KIF26B: variants seen among roughly 807,000 people sequenced by gnomAD.
The protein encoded by KIF26B is kinesin family member 26B, also known as kinesin-like protein KIF26B.
In KIF26B, 63 loss-of-function variants were observed where a neutral mutation model predicts 151.2. The ratio of observed to expected loss-of-function variants is 0.42; its 90% CI spans 0.34 to 0.51. KIF26B has a LOEUF of 0.51. Among genes scored for constraint, KIF26B ranks in the 20% least tolerant of loss-of-function variants. KIF26B has a pLI of 0.07. For missense variants in KIF26B, 2,813 were observed against 2,913.6 expected (o/e 0.97, Z 0.79); for synonymous variants, 1,357 against 1,262.1 (o/e 1.08, Z -1.59).
At chr1:245,309,827 A>G (rs1164065204) in intron 2 of KIF26B, among the ~76,000 whole-genome samples, 2 of 146,432 alleles carry the variant, frequency 1.4e-5, no homozygotes, top group African/African-American at 5.0e-5. Flanking sequence ...TAGTTGTAAA[A>G]TTATAATATA....
intron 2 of KIF26B, among the ~76,000 whole-genome samples, chr1:245,303,197 C>CTTTTTT (rs757473264): frequency 6.8e-5 from 7 of 102,608 alleles, no homozygotes; most frequent in African/African-American, 7.7e-5. Context: ...ACTAAATGTT[C>CTTTTTT]TTTTTTTTTT....
intron 2 of KIF26B, among the ~76,000 whole-genome samples, chr1:245,357,896 T>A (rs1672733670): frequency 6.6e-6 from 1 of 152,180 alleles, no homozygotes; most frequent in South Asian, 2.1e-4. Context: ...GGTCAAATGA[T>A]GTATTTGTTA....
At chr1:245,649,160 C>T (rs868135199) in intron 10 of KIF26B, among the ~76,000 whole-genome samples, 16 of 152,308 alleles carry the variant, frequency 1.1e-4, no homozygotes, top group Middle Eastern at 3.4e-3. Flanking sequence ...ATGTTTTCTC[C>T]GAGTCTGGAC....
At chr1:245,628,877 T>C (rs1363440833) in intron 9 of KIF26B, among the ~76,000 whole-genome samples, 1 of 152,188 alleles carries the variant, frequency 6.6e-6, no homozygotes, top group Non-Finnish European at 1.5e-5. Flanking sequence ...AAAAACTTCT[T>C]GAACTGATAA....
chr1:245,399,873 G>C (rs1281410738), intron 3 of KIF26B, among the ~76,000 whole-genome samples: 1 of 152,148 alleles, frequency 6.6e-6, no homozygotes, highest in Non-Finnish European at 1.5e-5. Flanking sequence ...TGATTTTTCA[G>C]ATGGTAACAT....
chr1:245,434,060 A>G (rs544533941), intron 4 of KIF26B, among the ~76,000 whole-genome samples: 2 of 152,336 alleles, frequency 1.3e-5, no homozygotes, highest in Non-Finnish European at 2.9e-5. Flanking sequence ...GCTTCAGAAT[A>G]TAAATGTGGC....
chr1:245,688,281 G>A lies in KIF26B; in HGVS notation c.5298G>A (p.Ala1766=), dbSNP rs781144746. The A allele has an allele frequency of 1.9e-6, 3 of 1,596,074 alleles. No homozygotes were observed. The highest frequency in any genetic ancestry group is 4.5e-5 in the East Asian group (2 of 44,738). ...TCTCCACCAAGTCCCTGCCGCAGGC[G>A]GTGGGCCAGGGCTCCAGCTCGCCCC... ...LSFSTKSLPQ[A]VGQGSSSPPG... is the part of the protein sequence containing the mutation. Residue 1766 remains alanine (A), a synonymous_variant, in exon 12 of 15, where the codon GCG becomes GCA. Coordinates refer to ENST00000407071, the MANE Select transcript of KIF26B (RefSeq NM_018012.4).
intron 4 of KIF26B, among the ~76,000 whole-genome samples, chr1:245,466,735 G>A (rs1462701745): frequency 6.6e-6 from 1 of 152,166 alleles, no homozygotes; most frequent in Admixed American, 6.5e-5. Context: ...AGACCAGCCT[G>A]GCCAACATGG....
At chr1:245,655,724 G>A (rs1010394913) in intron 10 of KIF26B, among the ~76,000 whole-genome samples, 3 of 152,262 alleles carry the variant, frequency 2.0e-5, no homozygotes, top group Non-Finnish European at 4.4e-5. Flanking sequence ...TTTTTCATAC[G>A]GCCTTTAAAT....
intron 9 of KIF26B, among the ~76,000 whole-genome samples, chr1:245,618,131 G>A (rs1170469855): frequency 6.6e-6 from 1 of 152,184 alleles, no homozygotes; most frequent in Non-Finnish European, 1.5e-5. Flanking sequence ...CCTCTGCCAC[G>A]CTCCTCTCCG....
At chr1:245,304,635 ATC>A (rs1035744101) in intron 2 of KIF26B, among the ~76,000 whole-genome samples, 1 of 152,092 alleles carries the variant, frequency 6.6e-6, no homozygotes, top group Non-Finnish European at 1.5e-5. Context: ...CCTTTCTTTT[ATC>A]TGTCTATCTA....
intron 4 of KIF26B, among the ~76,000 whole-genome samples, chr1:245,494,725 C>T (rs1660477563): frequency 6.6e-6 from 1 of 152,034 alleles, no homozygotes; most frequent in African/African-American, 2.4e-5. Flanking sequence ...AGAATTTCAC[C>T]AGAAAATGGG....
chr1:245,345,682 G>GAGTGAGTTCTCGTGATAA (rs1672438917), intron 2 of KIF26B, among the ~76,000 whole-genome samples: 1 of 151,978 alleles, frequency 6.6e-6, no homozygotes, highest in Non-Finnish European at 1.5e-5. Flanking sequence ...TCTCGTGATA[G>GAGTGAGTTCTCGTGATAA]TGAGTGAGTT....
chr1:245,314,574 A>T (rs528397666), intron 2 of KIF26B, among the ~76,000 whole-genome samples: 69 of 152,206 alleles, frequency 4.5e-4, no homozygotes, highest in Non-Finnish European at 9.3e-4. Flanking sequence ...GAATGGATAA[A>T]TGAGGTCTGT....
intron 10 of KIF26B, among the ~76,000 whole-genome samples, chr1:245,669,243 C>T (rs947287514): frequency 1.4e-4 from 21 of 152,190 alleles, no homozygotes; most frequent in Admixed American, 2.6e-4. Context: ...CCACTCTCAT[C>T]GTTAGGCTCT....
chr1:245,656,335 A>G (rs926293609), intron 10 of KIF26B, among the ~76,000 whole-genome samples: 2 of 152,182 alleles, frequency 1.3e-5, no homozygotes, highest in Non-Finnish European at 2.9e-5. Flanking sequence ...TGTCTTCCAA[A>G]GTTTGCCACA....
chr1:245,347,930 C>T (rs1168625366), intron 2 of KIF26B, among the ~76,000 whole-genome samples: 3 of 152,182 alleles, frequency 2.0e-5, no homozygotes, highest in African/African-American at 4.8e-5. Flanking sequence ...AGCCCTAAGG[C>T]GGGTACCGTT....
At chr1:245,578,685 A>G (rs554114633) in intron 5 of KIF26B, among the ~76,000 whole-genome samples, 6 of 152,218 alleles carry the variant, frequency 3.9e-5, no homozygotes, top group Non-Finnish European at 7.3e-5. Flanking sequence ...GTATAAAGGT[A>G]AAAGAATTCT....
At position 245,318,835 on chromosome 1, in the gene KIF26B, A is replaced by G. The variant is rs1671830410; in HGVS notation, c.466-47999A>G. Among the ~76,000 whole-genome samples, 1 of 152,226 alleles carries G rather than the reference A, an allele frequency of 6.6e-6. No individual in the cohort carries two copies. The highest frequency in any genetic ancestry group is 3.2e-3 in the Middle Eastern group (1 of 316). ...AAACAGAGTAAAGAGTTTCTCGGTC[A>G]CAAGGGAAACTTTTACTATTTGAAA... On this transcript the variant is annotated intron_variant, in intron 2 of 14. Transcript: ENST00000407071. This position sits in a 1 kb window ranked among gnomAD's most constrained non-coding sequence, Gnocchi z 4.0.
Sources: allele counts gnomAD v4.1 joint callset (sites outside exome capture counted in the v4.1 genomes callset), GRCh38; gene constraint gnomAD v4.1.1; non-coding constraint Gnocchi (gnomAD v3.1); transcripts MANE v1.5; gene names NCBI Gene and HGNC (gene_info 2026-07-23, HGNC 2026-07-21).